The following PROM1 variants were observed in gnomAD, a reference collection of about 807,000 sequenced individuals.
PROM1 encodes prominin 1, also known as prominin-1.
In PROM1, 105 loss-of-function variants were observed where a neutral mutation model predicts 116.9. The ratio of observed to expected loss-of-function variants is 0.90; its 90% CI spans 0.77 to 1.06. The LOEUF is 1.06. PROM1 is among the 50% of genes least tolerant of loss of function. The probability of loss-of-function intolerance (pLI) is 0.00; values close to 1 mark genes in which losing one functional copy is unlikely to be tolerated. For missense variants in PROM1, 1,122 were observed against 1,045.2 expected (o/e 1.07, Z -1.01); for synonymous variants, 393 against 387.0 (o/e 1.02, Z -0.18).
At chr4:16,079,702 TC>T (rs1744643053) in intron 1 of PROM1, among the ~76,000 whole-genome samples, 1 of 152,134 alleles carries the variant, frequency 6.6e-6, no homozygotes. Context: ...TAACAAGCTT[TC>T]CTGGGGACTG....
chr4:15,999,684 AT>A (rs1723256017), intron 14 of PROM1, among the ~76,000 whole-genome samples: 2 of 152,226 alleles, frequency 1.3e-5, no homozygotes, highest in African/African-American at 4.8e-5. Flanking sequence ...AATGGAGATC[AT>A]TTGACCTGCT....
chr4:15,972,542 G>C (rs565916922), intron 26 of PROM1, among the ~76,000 whole-genome samples: 1 of 152,110 alleles, frequency 6.6e-6, no homozygotes, highest in South Asian at 2.1e-4. Context: ...CCAAGGTCTC[G>C]CCTGTTAATA....
At chr4:15,972,442 C>A (rs111884696) in intron 26 of PROM1, among the ~76,000 whole-genome samples, 2,743 of 152,254 alleles carry the variant, frequency 0.018, 87 homozygotes, top group African/African-American at 0.062. Context: ...GGAATGGGGT[C>A]GAGCTTCCTC....
intron 26 of PROM1, among the ~76,000 whole-genome samples, chr4:15,975,124 C>T (rs1715771566): frequency 1.3e-5 from 2 of 152,218 alleles, no homozygotes; most frequent in South Asian, 4.1e-4. Context: ...TATAGTGAAC[C>T]ACAAACCCTT....
Position 16,018,343 on chromosome 4 carries a change from T to C in PROM1, c.982A>G (p.Ser328Gly), listed in dbSNP as rs1560497034. 10 of 1,613,382 alleles carry C rather than the reference T, an allele frequency of 6.2e-6. No individual in the cohort carries two copies. Among genetic ancestry groups the C allele is most frequent in the Non-Finnish European group, 8.5e-6 (10 of 1,179,884 alleles). Reference protein sequence around the residue: ...SIRLSLSQLNSNPELRQLPPV... With the variant: ...SIRLSLSQLNGNPELRQLPPV... Reference sequence around the variant, plus strand: ...CTCACCTGCCTCAGTTCAGGGTTGCTATTCAGCTGGCTTAGAGACAATCTG... The same window carrying C: ...CTCACCTGCCTCAGTTCAGGGTTGCCATTCAGCTGGCTTAGAGACAATCTG... Residue 328 changes from serine to glycine, a missense_variant, in exon 9 of 28, where the codon AGC becomes GGC. By Grantham distance (56) the Ser-to-Gly change is moderately conservative (BLOSUM62 0). Coordinates refer to ENST00000447510, the MANE Select transcript of PROM1 (RefSeq NM_006017.3).
intron 2 of PROM1, among the ~76,000 whole-genome samples, chr4:16,050,641 C>A (rs1737652834): frequency 6.6e-6 from 1 of 152,222 alleles, no homozygotes; most frequent in Admixed American, 6.5e-5. Context: ...TAGGTGTGAG[C>A]CACCATGCCC....
chr4:16,076,937 GACACAA>G (rs1214302874), intron 1 of PROM1, among the ~76,000 whole-genome samples: 1 of 152,238 alleles, frequency 6.6e-6, no homozygotes, highest in Non-Finnish European at 1.5e-5. Context: ...ACTACCCAGG[GACACAA>G]ACATTGCGGA....
chr4:16,076,190 G>C (rs773646450), intron 1 of PROM1, 72 bp from the exon 2 acceptor site: 26 of 394,076 alleles, frequency 6.6e-5, no homozygotes, highest in Non-Finnish European at 9.2e-5. Context: ...TGCCCGGAGA[G>C]GACGCTGCAA....
chr4:15,971,420 A>G, intron 26 of PROM1: 1 of 208,418 alleles, frequency 4.8e-6, no homozygotes, highest in Non-Finnish European at 9.7e-6. Flanking sequence ...ACACATGTCT[A>G]CCACAAGAGT....
chr4:15,977,343 T>C (rs997491762), intron 26 of PROM1, among the ~76,000 whole-genome samples: 1 of 152,030 alleles, frequency 6.6e-6, no homozygotes, highest in Non-Finnish European at 1.5e-5. Flanking sequence ...TAGGGCAACA[T>C]AGGTAATTGA....
intron 15 of PROM1, among the ~76,000 whole-genome samples, chr4:15,996,847 C>T (rs6449211): frequency 0.52 from 78,930 of 151,928 alleles, 20,761 homozygotes; most frequent in Non-Finnish European, 0.57. Context: ...TGGTGGTTCA[C>T]GTGTAGGGCA....
intron 2 of PROM1, among the ~76,000 whole-genome samples, chr4:16,052,618 C>T (rs1428943044): frequency 6.6e-6 from 1 of 152,130 alleles, no homozygotes; most frequent in Middle Eastern, 3.2e-3. Flanking sequence ...GCTGGGACTA[C>T]AGGTGCACAA....
At chr4:16,018,211 T>C in intron 9 of PROM1, 112 bp downstream of exon 9, 1 of 971,426 alleles carries the variant, frequency 1.0e-6, no homozygotes, top group Non-Finnish European at 1.6e-6. Context: ...GGCCAGGGGC[T>C]AACTGTTCTC....
chr4:16,007,324 A>C (rs1444270049), intron 12 of PROM1, among the ~76,000 whole-genome samples: 1 of 152,264 alleles, frequency 6.6e-6, no homozygotes, highest in Non-Finnish European at 1.5e-5. Flanking sequence ...CGAGACATTT[A>C]GGATAATGGA....
At chr4:16,024,414 G>T in intron 6 of PROM1, 56 bp from the exon 7 acceptor site, 1 of 1,414,358 alleles carries the variant, frequency 7.1e-7, no homozygotes, top group Non-Finnish European at 9.7e-7. Flanking sequence ...GGCAATAAGA[G>T]GGCAAAAAGA....
chr4:15,996,431 A>T (rs886146362), intron 15 of PROM1, among the ~76,000 whole-genome samples: 5 of 152,032 alleles, frequency 3.3e-5, no homozygotes, highest in African/African-American at 4.8e-5. Flanking sequence ...AATCGCTTGA[A>T]CCCAGGAGGC....
intron 2 of PROM1, among the ~76,000 whole-genome samples, chr4:16,070,788 C>T (rs1188885777): frequency 2.0e-5 from 3 of 152,162 alleles, no homozygotes; most frequent in Non-Finnish European, 1.5e-5. Flanking sequence ...CAAGGGAACA[C>T]GGCCCACTTA....
chr4:15,987,270 C>T (rs957701356), intron 20 of PROM1, among the ~76,000 whole-genome samples: 1 of 152,136 alleles, frequency 6.6e-6, no homozygotes, highest in African/African-American at 2.4e-5. Flanking sequence ...TCCTTCAGGC[C>T]GGGTCTCTCA....
chr4:16,072,739 A>T (rs1743091917), intron 2 of PROM1, among the ~76,000 whole-genome samples: 1 of 152,152 alleles, frequency 6.6e-6, no homozygotes, highest in Non-Finnish European at 1.5e-5. Flanking sequence ...AAAGTTCTAA[A>T]CCTCCCAGTT....
Sources: allele counts gnomAD v4.1 joint callset (sites outside exome capture counted in the v4.1 genomes callset), GRCh38; gene constraint gnomAD v4.1.1; transcripts MANE v1.5; gene names NCBI Gene and HGNC (gene_info 2026-07-23, HGNC 2026-07-21).